Variants in ACOT1 observed in about 807,000 individuals in gnomAD.
ACOT1 encodes acyl-coenzyme A thioesterase 1.
Under a neutral mutation model 15.7 loss-of-function variants are expected in ACOT1, and 8 were observed. That is an observed-to-expected ratio of 0.51 (90% CI 0.30 to 0.92). ACOT1 has a LOEUF of 0.92. Ranked by LOEUF, ACOT1 falls within the 40% of genes least tolerant of loss-of-function variation. The pLI is 0.06. For synonymous variants in ACOT1, 67 were observed against 241.2 expected, an observed-to-expected ratio of 0.28 and a Z score of 6.69; for missense variants, 151 against 539.4, an observed-to-expected ratio of 0.28 and a Z score of 7.13.
chr14:73,493,966 C>T, the ACOT1 span, among the ~76,000 whole-genome samples: 2 of 152,306 alleles, frequency 1.3e-5, no homozygotes, highest in Middle Eastern at 3.4e-3. Flanking sequence ...CCAGCTTGTT[C>T]AGTTTTAAGA....
the ACOT1 span, chr14:73,523,350 T>C: frequency 5.4e-6 from 3 of 560,658 alleles, no homozygotes; most frequent in Non-Finnish European, 9.4e-6. Context: ...CCATGTGAGT[T>C]AGAAGAACAA....
At chr14:73,507,827 T>C in the ACOT1 span, among the ~76,000 whole-genome samples, 63,922 of 151,886 alleles carry the variant, frequency 0.42, 14,144 homozygotes, top group African/African-American at 0.53. Context: ...ACTGCAACCT[T>C]CACCTCCCAG....
the ACOT1 span, among the ~76,000 whole-genome samples, chr14:73,499,402 C>T: frequency 6.6e-6 from 1 of 152,074 alleles, no homozygotes; most frequent in Admixed American, 6.6e-5. Context: ...ATTGCTTGGA[C>T]CTGGGAGGCG....
At chr14:73,515,671 C>CAAA in the ACOT1 span, among the ~76,000 whole-genome samples, 8 of 33,516 alleles carry the variant, frequency 2.4e-4, no homozygotes, top group African/African-American at 3.0e-4. Flanking sequence ...GACTCCATCT[C>CAAA]AAAAAAAAAA....
the ACOT1 span, chr14:73,499,047 T>C: frequency 1.1e-5 from 17 of 1,602,334 alleles, no homozygotes; most frequent in Non-Finnish European, 1.5e-5. Flanking sequence ...GGTTGAAGAG[T>C]TTGGGGCACT....
the ACOT1 span, chr14:73,509,600 A>AT: frequency 4.5e-6 from 4 of 887,728 alleles, no homozygotes; most frequent in Non-Finnish European, 5.2e-6. Context: ...TATGTAATAT[A>AT]ATTACAGTTT....
the ACOT1 span, chr14:73,491,077 C>G: frequency 4.4e-6 from 7 of 1,597,216 alleles, no homozygotes; most frequent in Non-Finnish European, 6.0e-6. Flanking sequence ...AGCGCCGGCG[C>G]AAGCCCCAGC....
the ACOT1 span, among the ~76,000 whole-genome samples, chr14:73,532,069 G>A: frequency 7.9e-5 from 9 of 114,588 alleles, 3 homozygotes; most frequent in Non-Finnish European, 1.1e-4. Context: ...AGATGTATGC[G>A]GCTCCATATT....
At chr14:73,512,658 C>T in the ACOT1 span, among the ~76,000 whole-genome samples, 1 of 152,174 alleles carries the variant, frequency 6.6e-6, no homozygotes, top group African/African-American at 2.4e-5. Context: ...AATGAAGGTT[C>T]AATAAATGTT....
the ACOT1 span, among the ~76,000 whole-genome samples, chr14:73,509,809 CCCATATATATATATAT>C: frequency 1.5e-3 from 8 of 5,190 alleles, 1 homozygote; most frequent in Non-Finnish European, 1.6e-3. Flanking sequence ...GCCCCATGAG[CCCATATATATATATAT>C]ATATATATAT....
At chr14:73,505,435 C>T in the ACOT1 span, among the ~76,000 whole-genome samples, 9 of 151,772 alleles carry the variant, frequency 5.9e-5, no homozygotes, top group Middle Eastern at 6.8e-3. Flanking sequence ...CTCGCACTGT[C>T]GCCCAGGCTG....
At chr14:73,492,744 T>C in the ACOT1 span, 1 of 1,613,936 alleles carries the variant, frequency 6.2e-7, no homozygotes, top group South Asian at 1.1e-5. This position sits in a 1 kb window ranked among gnomAD's most constrained non-coding sequence, Gnocchi z 4.9. Context: ...AACTCCCGTG[T>C]GTATCATCTG....
At chr14:73,530,210 TC>T in the ACOT1 span, 1 of 144,912 alleles carries the variant, frequency 6.9e-6, no homozygotes, top group Admixed American at 7.4e-5. Context: ...CAAGCGATCT[TC>T]CTGCCTTGGC....
chr14:73,506,315 A>AGAG, the ACOT1 span: 1 of 611,230 alleles, frequency 1.6e-6, no homozygotes, highest in Non-Finnish European at 2.9e-6. Context: ...TAGCATTTGA[A>AGAG]GATAATTCTG....
chr14:73,506,428 C>T, the ACOT1 span: 7 of 1,493,434 alleles, frequency 4.7e-6, no homozygotes, highest in Non-Finnish European at 6.5e-6. Flanking sequence ...CTCAGCCTCT[C>T]TTAGGCTTTC....
At chr14:73,506,491 G>A in the ACOT1 span, 2 of 1,613,722 alleles carry the variant, frequency 1.2e-6, no homozygotes, top group African/African-American at 1.3e-5. Flanking sequence ...CACTGATCCG[G>A]GAGAAAGCCT....
At chr14:73,500,162 G>A in the ACOT1 span, among the ~76,000 whole-genome samples, 2 of 152,090 alleles carry the variant, frequency 1.3e-5, no homozygotes, top group Admixed American at 6.6e-5. Context: ...CCTGGGAGGC[G>A]GAGCTTGCAG....
At chr14:73,499,422 G>A in the ACOT1 span, among the ~76,000 whole-genome samples, 1 of 152,184 alleles carries the variant, frequency 6.6e-6, no homozygotes, top group Non-Finnish European at 1.5e-5. Context: ...GGAGGTTGTA[G>A]TGAGCTGAGA....
chr14:73,517,817 G>A, the ACOT1 span, among the ~76,000 whole-genome samples: 969 of 151,922 alleles, frequency 6.4e-3, 8 homozygotes, highest in African/African-American at 0.023. Context: ...GGCTGGACAC[G>A]GTGGCTCACG....
Sources: allele counts gnomAD v4.1 joint callset (sites outside exome capture counted in the v4.1 genomes callset), GRCh38; gene constraint gnomAD v4.1.1; non-coding constraint Gnocchi (gnomAD v3.1); transcripts MANE v1.5; gene names NCBI Gene and HGNC (gene_info 2026-07-23, HGNC 2026-07-21).